Variants in TNIP1 observed in about 807,000 individuals in gnomAD.
The protein encoded by TNIP1 is TNFAIP3-interacting protein 1.
A neutral mutation model predicts 86.6 loss-of-function variants in TNIP1; 22 were observed. That is an observed-to-expected ratio of 0.25 (90% CI 0.18 to 0.36). The LOEUF is 0.36. Ranked by LOEUF, TNIP1 falls within the 10% of genes least tolerant of loss-of-function variation. The pLI, the probability that TNIP1 is intolerant of heterozygous loss-of-function variation, is 1.00. For synonymous variants in TNIP1, 294 were observed against 313.0 expected (o/e 0.94, Z 0.64); for missense variants, 709 against 820.6 (o/e 0.86, Z 1.66).
chr5:151,059,848 TGTGTGTGTGTGTGTGTGTGCGCGCGCGC>T (rs1761259187), intron 5 of TNIP1, among the ~76,000 whole-genome samples: 2 of 102,162 alleles, frequency 2.0e-5, no homozygotes, highest in African/African-American at 8.4e-5. Flanking sequence ...TGTGTGTGTG[TGTGTGTGTGTGTGTGTGTGCGCGCGCGC>T]GCGCGCATGC....
In TNIP1 at chr5:151,049,833, T is replaced by A. The variant is rs1224884781; in HGVS notation, c.837A>T (p.Gly279=). 5 of 1,614,098 alleles carry A rather than the reference T, an allele frequency of 3.1e-6. No individual in the cohort carries two copies. Among genetic ancestry groups the A allele is most frequent in the Non-Finnish European group, 4.2e-6 (5 of 1,180,022 alleles). The change falls in exon 8 of 18, where the codon GGA becomes GGT. Residue 279 remains glycine, a synonymous_variant. Coordinates refer to ENST00000521591, the MANE Select transcript of TNIP1 (RefSeq NM_006058.5). ...ATTTCTGACCACATACCTGCTGCTGTCCAGCCACTGCCTTCTTGCCTGTCC... is the reference window on the plus strand; with the variant it reads ...ATTTCTGACCACATACCTGCTGCTGACCAGCCACTGCCTTCTTGCCTGTCC... ...MEGTGKKAVA[G]QQQASVTAGK...
At chr5:151,051,410 C>T (rs1348578379) in intron 7 of TNIP1, among the ~76,000 whole-genome samples, 1 of 152,170 alleles carries the variant, frequency 6.6e-6, no homozygotes, top group Non-Finnish European at 1.5e-5. Flanking sequence ...TGTCCAGGAC[C>T]ACAGTGCAGG....
chr5:151,051,644 G>C (rs1047484560), intron 7 of TNIP1, among the ~76,000 whole-genome samples: 2 of 152,206 alleles, frequency 1.3e-5, no homozygotes, highest in Admixed American at 1.3e-4. Flanking sequence ...GAGACTCCTG[G>C]TGAAATGCAG....
At chr5:151,081,763 G>A (rs1764044992), upstream of TNIP1, among the ~76,000 whole-genome samples, 1 of 152,130 alleles carries the variant, frequency 6.6e-6, no homozygotes, top group Non-Finnish European at 1.5e-5. Flanking sequence ...AACCCGGGTG[G>A]GCAAATCCAG....
chr5:151,073,514 G>A (rs2113797348), intron 1 of TNIP1, among the ~76,000 whole-genome samples: 2 of 151,342 alleles, frequency 1.3e-5, no homozygotes, highest in South Asian at 4.1e-4. Flanking sequence ...ACAGAAAGAT[G>A]CCCATAAAAT....
chr5:151,086,858 G>A (rs1397377645), intron 1 of TNIP1, among the ~76,000 whole-genome samples: 1 of 152,276 alleles, frequency 6.6e-6, no homozygotes, highest in African/African-American at 2.4e-5. Context: ...AACGAGATGG[G>A]GGAGAGAAGA....
intron 1 of TNIP1, among the ~76,000 whole-genome samples, chr5:151,068,462 G>A (rs1248691915): frequency 6.6e-6 from 1 of 152,212 alleles, no homozygotes; most frequent in Non-Finnish European, 1.5e-5. Context: ...CTCAATGGAT[G>A]AGGGGCTGCA....
At chr5:151,084,697 G>A (rs1201320552), upstream of TNIP1, among the ~76,000 whole-genome samples, 1 of 152,136 alleles carries the variant, frequency 6.6e-6, no homozygotes, top group Non-Finnish European at 1.5e-5. Flanking sequence ...GAGTGAATCA[G>A]GGCCTTGGCT....
At chr5:151,030,996 TAGTTCC>T (rs1466840426) in intron 17 of TNIP1, among the ~76,000 whole-genome samples, 1 of 152,148 alleles carries the variant, frequency 6.6e-6, no homozygotes, top group Non-Finnish European at 1.5e-5. Flanking sequence ...GACTTGCTCA[TAGTTCC>T]AGGTCCAGGA....
upstream of TNIP1, among the ~76,000 whole-genome samples, chr5:151,081,716 G>A (rs2113858724): frequency 6.6e-6 from 1 of 152,284 alleles, no homozygotes; most frequent in Non-Finnish European, 1.5e-5. Context: ...TCACAAAAAG[G>A]TTAGATGACC....
At chr5:151,068,515 A>G (rs1762491586) in intron 1 of TNIP1, among the ~76,000 whole-genome samples, 2 of 152,146 alleles carry the variant, frequency 1.3e-5, no homozygotes, top group South Asian at 4.1e-4. Flanking sequence ...GCTGTCCACA[A>G]ACCACGAGGA....
At chr5:151,080,248 A>C (rs1025872340) in intron 1 of TNIP1, 1 of 152,208 alleles carries the variant, frequency 6.6e-6, no homozygotes, top group Non-Finnish European at 1.5e-5. Context: ...GTGCATACAA[A>C]ATATGTTCAA....
chr5:151,067,499 C>G (rs913247222), intron 1 of TNIP1, among the ~76,000 whole-genome samples: 1 of 152,224 alleles, frequency 6.6e-6, no homozygotes, highest in African/African-American at 2.4e-5. Flanking sequence ...CAGAGGGCTA[C>G]AAGGGGCCTG....
intron 13 of TNIP1, 38 bp downstream of exon 13, chr5:151,036,752 A>C: frequency 6.2e-7 from 1 of 1,613,476 alleles, no homozygotes; most frequent in Non-Finnish European, 8.5e-7. Context: ...CAGCTCCCAC[A>C]GAGCACCTCC....
chr5:151,033,577 G>A (rs755914682), intron 16 of TNIP1, 31 bp downstream of exon 16: 5 of 1,395,390 alleles, frequency 3.6e-6, no homozygotes, highest in Non-Finnish European at 4.8e-6. Flanking sequence ...CTCTGTGTGT[G>A]CCCTGGAGCA....
At chr5:151,064,614 CT>C (rs1224543269) in intron 2 of TNIP1, among the ~76,000 whole-genome samples, 1 of 152,120 alleles carries the variant, frequency 6.6e-6, no homozygotes, top group African/African-American at 2.4e-5. Context: ...CCTGGTCATG[CT>C]GGCTCTCCCC....
At chr5:151,070,185 A>G (rs549673893) in intron 1 of TNIP1, among the ~76,000 whole-genome samples, 2 of 152,312 alleles carry the variant, frequency 1.3e-5, no homozygotes, top group Non-Finnish European at 2.9e-5. Context: ...ATGAAACAAT[A>G]TGTGTATAGT....
intron 13 of TNIP1, among the ~76,000 whole-genome samples, 176 bp downstream of exon 13, chr5:151,036,614 A>C (rs557119109): frequency 6.6e-6 from 1 of 152,322 alleles, no homozygotes; most frequent in Admixed American, 6.5e-5. Context: ...GAACGACTTA[A>C]GCTAGGGTTA....
intron 9 of TNIP1, among the ~76,000 whole-genome samples, chr5:151,043,494 G>A (rs375687433): frequency 6.6e-6 from 1 of 152,166 alleles, no homozygotes; most frequent in Admixed American, 6.5e-5. Context: ...AAAATAGGCC[G>A]CCAGGCACAG....
Sources: gnomAD v4.1 joint callset for allele counts (sites outside exome capture counted in the v4.1 genomes callset) on GRCh38, gnomAD v4.1.1 for gene constraint, MANE v1.5 for transcripts, NCBI Gene and HGNC (gene_info 2026-07-23, HGNC 2026-07-21) for gene names.